TRABD2B: variants seen among roughly 807,000 people sequenced by gnomAD.
TRABD2B encodes metalloprotease TIKI2.
A neutral mutation model predicts 40.1 loss-of-function variants in TRABD2B; 14 were observed. That is an observed-to-expected ratio of 0.35 (90% CI 0.23 to 0.55). The LOEUF (loss-of-function observed/expected upper bound fraction) is 0.55, where lower values mean the gene tolerates loss of function less well. Among genes scored for constraint, TRABD2B ranks in the 20% least tolerant of loss-of-function variants. The pLI is 0.90. For missense variants in TRABD2B, 541 were observed against 648.6 expected (o/e 0.83, Z 1.80); for synonymous variants, 263 against 277.0 (o/e 0.95, Z 0.50).
At chr1:47,992,416 C>T (rs1003203944) in intron 2 of TRABD2B, among the ~76,000 whole-genome samples, 4 of 152,150 alleles carry the variant, frequency 2.6e-5, no homozygotes, top group East Asian at 1.9e-4. Flanking sequence ...TTAAGAGAGA[C>T]GGATTAAAGA....
At chr1:47,879,444 C>T (rs1179415557) in intron 2 of TRABD2B, among the ~76,000 whole-genome samples, 1 of 152,130 alleles carries the variant, frequency 6.6e-6, no homozygotes, top group African/African-American at 2.4e-5. Flanking sequence ...GGTTTGTAGT[C>T]TAGGAGCAAT....
intron 4 of TRABD2B, among the ~76,000 whole-genome samples, chr1:47,781,453 T>C (rs898708911): frequency 1.3e-5 from 2 of 152,188 alleles, no homozygotes; most frequent in Non-Finnish European, 2.9e-5. Flanking sequence ...CGGCCGATGG[T>C]GCAGGCCTCA....
intron 2 of TRABD2B, among the ~76,000 whole-genome samples, chr1:47,951,735 G>A (rs1645347479): frequency 6.6e-6 from 1 of 152,172 alleles, no homozygotes; most frequent in Non-Finnish European, 1.5e-5. Flanking sequence ...CCTCACCTTG[G>A]TCCAGAGGCT....
At chr1:47,802,650 G>A (rs916431153) in intron 2 of TRABD2B, among the ~76,000 whole-genome samples, 3 of 152,132 alleles carry the variant, frequency 2.0e-5, no homozygotes, top group African/African-American at 7.2e-5. Context: ...TTTAGGCCCT[G>A]CTCATTCTGT....
chr1:47,919,842 G>A (rs1644878571), intron 2 of TRABD2B, among the ~76,000 whole-genome samples: 1 of 152,208 alleles, frequency 6.6e-6, no homozygotes, highest in Admixed American at 6.5e-5. Context: ...AGGGCTTCCT[G>A]GAGAGGGGGG....
At chr1:47,936,154 A>T (rs528181135) in intron 2 of TRABD2B, among the ~76,000 whole-genome samples, 1 of 152,172 alleles carries the variant, frequency 6.6e-6, no homozygotes, top group Non-Finnish European at 1.5e-5. Context: ...TTAGCAACAG[A>T]CTCAGCTGAA....
intron 2 of TRABD2B, among the ~76,000 whole-genome samples, chr1:47,956,702 G>T (rs905663353): frequency 5.9e-5 from 9 of 152,268 alleles, no homozygotes; most frequent in Non-Finnish European, 8.8e-5. Flanking sequence ...AAACAAAGTG[G>T]TGAGGAAGCT....
intron 2 of TRABD2B, among the ~76,000 whole-genome samples, chr1:47,833,908 G>A (rs75340118): frequency 0.024 from 3,693 of 152,282 alleles, 117 homozygotes; most frequent in Admixed American, 0.094. Context: ...AAAGGCTTGC[G>A]GGATTCCAGG....
chr1:47,945,179 A>AGAT, intron 2 of TRABD2B, among the ~76,000 whole-genome samples: 1 of 152,188 alleles, frequency 6.6e-6, no homozygotes, highest in Non-Finnish European at 1.5e-5. Context: ...CTGTAGCAGC[A>AGAT]CTTGGAGATA....
intron 6 of TRABD2B, among the ~76,000 whole-genome samples, chr1:47,772,335 G>C (rs946058253): frequency 6.6e-6 from 1 of 151,890 alleles, no homozygotes; most frequent in Admixed American, 6.6e-5. Context: ...AGAGAGAGGA[G>C]CAGGACGAAG....
At chr1:47,860,665 T>C (rs776087876) in intron 2 of TRABD2B, among the ~76,000 whole-genome samples, 37 of 152,338 alleles carry the variant, frequency 2.4e-4, no homozygotes, top group African/African-American at 4.3e-4. Flanking sequence ...TGAAGTTTAA[T>C]TGCCAGTGTG....
At chr1:47,924,818 C>T (rs1169376953) in intron 2 of TRABD2B, among the ~76,000 whole-genome samples, 1 of 152,170 alleles carries the variant, frequency 6.6e-6, no homozygotes, top group Non-Finnish European at 1.5e-5. Flanking sequence ...CCGGTGCTCC[C>T]GCTGGCCTGC....
chr1:47,782,628 C>T (rs1644540527), intron 4 of TRABD2B, among the ~76,000 whole-genome samples: 1 of 152,206 alleles, frequency 6.6e-6, no homozygotes, highest in South Asian at 2.1e-4. Flanking sequence ...CATGGATCTC[C>T]TCTTCTTGTA....
At chr1:47,908,527 G>C (rs1176112228) in intron 2 of TRABD2B, among the ~76,000 whole-genome samples, 1 of 152,100 alleles carries the variant, frequency 6.6e-6, no homozygotes, top group Admixed American at 6.5e-5. Flanking sequence ...GACGGACCTG[G>C]TGCCTGGGAC....
chr1:47,919,716 T>C (rs1644877120), intron 2 of TRABD2B, among the ~76,000 whole-genome samples: 1 of 152,222 alleles, frequency 6.6e-6, no homozygotes, highest in Admixed American at 6.5e-5. Flanking sequence ...CATGCCCATG[T>C]CAGTTCCTGT....
intron 2 of TRABD2B, among the ~76,000 whole-genome samples, chr1:47,915,018 T>C (rs1230868619): frequency 2.0e-5 from 3 of 152,286 alleles, no homozygotes; most frequent in Non-Finnish European, 2.9e-5. Flanking sequence ...GCGAGACAAA[T>C]GCCATGAGGC....
Position 47,939,739 on chromosome 1 carries a change from T to C in TRABD2B, c.666+54295A>G, listed in dbSNP as rs776797915. Among the ~76,000 whole-genome samples the C allele has an allele frequency of 1.4e-4, 22 of 152,320 alleles. 1 individual carries two copies. Among genetic ancestry groups the C allele is most frequent in the Non-Finnish European group, 1.5e-4 (10 of 68,028 alleles). ...TGAAGCCTCCAGAGGACAAGTGACT[T>C]ACTCAAGGTCACACAAGGAGTCCTC... is the stretch of plus-strand genomic sequence containing the variant. On this transcript the variant is annotated intron_variant, in intron 2 of 6. Transcript: ENST00000606738.
intron 2 of TRABD2B, among the ~76,000 whole-genome samples, chr1:47,913,547 T>A (rs140739997): frequency 6.6e-6 from 1 of 152,322 alleles, no homozygotes; most frequent in East Asian, 1.9e-4. Flanking sequence ...TTCTAAATGA[T>A]ACTTTTGAAT....
At chr1:47,822,129 T>G (rs987995913) in intron 2 of TRABD2B, among the ~76,000 whole-genome samples, 1 of 139,246 alleles carries the variant, frequency 7.2e-6, no homozygotes, top group Non-Finnish European at 1.5e-5. Context: ...CACAGACCTC[T>G]AGGCACATGT....
Sources: gnomAD v4.1 joint callset for allele counts (sites outside exome capture counted in the v4.1 genomes callset) on GRCh38, gnomAD v4.1.1 for gene constraint, MANE v1.5 for transcripts, NCBI Gene and HGNC (gene_info 2026-07-23, HGNC 2026-07-21) for gene names.